MIS18A: variants seen among roughly 807,000 people sequenced by gnomAD.
MIS18A encodes the protein MIS18 kinetochore protein A, also known as protein Mis18-alpha.
A neutral mutation model predicts 25.0 loss-of-function variants in MIS18A; 14 were observed. That is an observed-to-expected ratio of 0.56 (90% CI 0.37 to 0.88). MIS18A has a LOEUF of 0.88. Ranked by LOEUF, MIS18A falls within the 40% of genes least tolerant of loss-of-function variation. The probability of loss-of-function intolerance (pLI) is 0.00; values close to 1 mark genes in which losing one functional copy is unlikely to be tolerated. For missense variants in MIS18A, 292 were observed against 290.8 expected, an observed-to-expected ratio of 1.00 and a Z score of -0.03; for synonymous variants, 134 against 118.6, an observed-to-expected ratio of 1.13 and a Z score of -0.84.
the MIS18A span, among the ~76,000 whole-genome samples, chr21:32,252,501 G>GAC: frequency 3.3e-5 from 5 of 152,092 alleles, no homozygotes; most frequent in African/African-American, 1.2e-4. Flanking sequence ...GATCAGCATT[G>GAC]GATAACTGCA....
the MIS18A span, among the ~76,000 whole-genome samples, chr21:32,246,776 G>C: frequency 1.3e-5 from 2 of 152,196 alleles, no homozygotes; most frequent in Non-Finnish European, 2.9e-5. Flanking sequence ...TCCCAGCTCT[G>C]CCAAGCCCCC....
the MIS18A span, among the ~76,000 whole-genome samples, chr21:32,183,217 C>T: frequency 6.6e-6 from 1 of 152,152 alleles, no homozygotes; most frequent in East Asian, 1.9e-4. Flanking sequence ...TAAATTAGTG[C>T]CTATCACGGA....
the MIS18A span, among the ~76,000 whole-genome samples, chr21:32,209,184 T>C: frequency 6.6e-6 from 1 of 152,112 alleles, no homozygotes; most frequent in Non-Finnish European, 1.5e-5. Context: ...CATGGCATGT[T>C]AAAACTGGAT....
At chr21:32,191,022 T>G in the MIS18A span, among the ~76,000 whole-genome samples, 1 of 151,998 alleles carries the variant, frequency 6.6e-6, no homozygotes, top group African/African-American at 2.4e-5. Context: ...AGGAACCAGG[T>G]GGATTATATT....
At chr21:32,203,613 C>CTT in the MIS18A span, among the ~76,000 whole-genome samples, 1,200 of 85,322 alleles carry the variant, frequency 0.014, 2 homozygotes, top group Middle Eastern at 0.02. Flanking sequence ...TTTTTAAATG[C>CTT]TTTTTTTTTT....
downstream of MIS18A, chr21:32,268,171 AG>A (rs2031638521): frequency 6.6e-6 from 1 of 152,256 alleles, no homozygotes; most frequent in Admixed American, 6.5e-5. Context: ...TCACAGCACC[AG>A]GATTTCTGAT....
chr21:32,192,792 G>T, the MIS18A span, among the ~76,000 whole-genome samples: 1 of 152,160 alleles, frequency 6.6e-6, no homozygotes, highest in Admixed American at 6.5e-5. Context: ...CCTCTCGTAG[G>T]AGCAACCTCT....
the MIS18A span, among the ~76,000 whole-genome samples, chr21:32,160,985 A>G: frequency 0.59 from 90,002 of 152,068 alleles, 28,431 homozygotes; most frequent in African/African-American, 0.83. Context: ...AATCAGATAC[A>G]CATTTATCTC....
the MIS18A span, among the ~76,000 whole-genome samples, chr21:32,227,283 A>G: frequency 2.6e-5 from 4 of 152,216 alleles, no homozygotes; most frequent in African/African-American, 7.2e-5. Flanking sequence ...GTAGAAGTTG[A>G]TAAGATCAAC....
the MIS18A span, among the ~76,000 whole-genome samples, chr21:32,256,093 G>A: frequency 2.0e-4 from 30 of 152,210 alleles, 2 homozygotes; most frequent in African/African-American, 7.2e-4. Flanking sequence ...GGAAACAGAA[G>A]ATTCATTATT....
At chr21:32,217,172 T>A in the MIS18A span, among the ~76,000 whole-genome samples, 16 of 151,998 alleles carry the variant, frequency 1.1e-4, no homozygotes, top group Non-Finnish European at 1.8e-4. Flanking sequence ...ATATTAGACA[T>A]ACTAGACAAG....
At chr21:32,172,342 C>T in the MIS18A span, among the ~76,000 whole-genome samples, 3 of 152,008 alleles carry the variant, frequency 2.0e-5, no homozygotes, top group Admixed American at 6.5e-5. Context: ...TCCGTGCTTC[C>T]GTGTTCATTG....
the MIS18A span, among the ~76,000 whole-genome samples, chr21:32,237,510 G>C: frequency 6.6e-6 from 1 of 152,110 alleles, no homozygotes; most frequent in Non-Finnish European, 1.5e-5. Flanking sequence ...AATAATTTTA[G>C]TAACATTAAA....
intron 2 of MIS18A, 35 bp from the exon 3 acceptor site, chr21:32,270,564 A>G (rs777616810): frequency 6.7e-7 from 1 of 1,494,682 alleles, no homozygotes. Flanking sequence ...TAGGAAACGA[A>G]GCAGCAACTC....
chr21:32,195,172 A>T, the MIS18A span, among the ~76,000 whole-genome samples: 1 of 152,230 alleles, frequency 6.6e-6, no homozygotes, highest in Non-Finnish European at 1.5e-5. Flanking sequence ...AGGCCTCATC[A>T]TGACTGTACT....
intron 1 of MIS18A, 78 bp downstream of exon 1, chr21:32,278,603 C>A: frequency 7.2e-7 from 1 of 1,393,088 alleles, no homozygotes. Context: ...GCCCCCGCCT[C>A]CTCCCGGGCC....
chr21:32,236,223 A>G, the MIS18A span, among the ~76,000 whole-genome samples: 1 of 146,628 alleles, frequency 6.8e-6, no homozygotes, highest in East Asian at 2.0e-4. Context: ...AAAAAAAAAA[A>G]TACAAAAAAA....
the MIS18A span, among the ~76,000 whole-genome samples, chr21:32,224,718 G>A: frequency 7.5e-6 from 1 of 133,076 alleles, no homozygotes. Flanking sequence ...GTAATTTACA[G>A]ATTCAATGCC....
At chr21:32,247,290 C>T in the MIS18A span, among the ~76,000 whole-genome samples, 10 of 152,180 alleles carry the variant, frequency 6.6e-5, no homozygotes, top group Non-Finnish European at 1.2e-4. Flanking sequence ...TACACTCATC[C>T]CGTGGCTCAG....
Sources: allele counts gnomAD v4.1 joint callset (sites outside exome capture counted in the v4.1 genomes callset), GRCh38; gene constraint gnomAD v4.1.1; transcripts MANE v1.5; gene names NCBI Gene and HGNC (gene_info 2026-07-23, HGNC 2026-07-21).